CHM: variants seen among roughly 807,000 people sequenced by gnomAD.
The protein encoded by CHM is rab proteins geranylgeranyltransferase component A 1.
In CHM, 10 loss-of-function variants were observed where a neutral mutation model predicts 49.0. The observed-to-expected ratio is 0.20, with a 90% CI of 0.13 to 0.35. The LOEUF is 0.35. Ranked by LOEUF, CHM falls within the 10% of genes least tolerant of loss-of-function variation. The pLI is 1.00. For missense variants in CHM, 455 were observed against 478.4 expected, an observed-to-expected ratio of 0.95 and a Z score of 0.46; for synonymous variants, 184 against 167.5, an observed-to-expected ratio of 1.10 and a Z score of -0.76.
intron 8 of CHM, among the ~76,000 whole-genome samples, chrX:85,946,944 A>G (rs1254883202): frequency 8.9e-6 from 1 of 112,714 alleles, no homozygotes; most frequent in African/African-American, 3.2e-5. Flanking sequence ...CAGGACTTGA[A>G]TGGGGCCTGT....
intron 8 of CHM, among the ~76,000 whole-genome samples, chrX:85,943,607 C>A (rs1308120444): frequency 8.9e-6 from 1 of 112,007 alleles, no homozygotes; most frequent in Non-Finnish European, 1.9e-5. Context: ...GCTGAATATG[C>A]ATCCATAATG....
chrX:85,864,837 A>G lies in CHM; in HGVS notation c.1771-16T>C. 1 of 1,194,679 alleles carries G rather than the reference A, an allele frequency of 8.4e-7. No homozygotes were observed. Among genetic ancestry groups the G allele is most frequent in the South Asian group, 1.8e-5 (1 of 54,925 alleles). ...GTGTTTCAGCCTGGCCAAGGAAGAA[A>G]AGATAAAATCGTTTTTGGAAATCGG... On this transcript the variant is annotated splice_polypyrimidine_tract_variant and intron_variant, in intron 14 of 14. Coordinates refer to ENST00000357749, the MANE Select transcript of CHM (RefSeq NM_000390.4).
intron 12 of CHM, among the ~76,000 whole-genome samples, chrX:85,892,158 G>A (rs1423129696): frequency 1.8e-5 from 2 of 111,612 alleles, no homozygotes; most frequent in Non-Finnish European, 1.9e-5. Context: ...ATAGACAGAT[G>A]GGACTTGCCT....
chrX:86,044,358 T>C (rs906049819), intron 1 of CHM, among the ~76,000 whole-genome samples: 22 of 112,340 alleles, frequency 2.0e-4, no homozygotes, highest in Non-Finnish European at 9.4e-5. Context: ...AAACATAGTC[T>C]TTGCAGAAGT....
intron 12 of CHM, among the ~76,000 whole-genome samples, chrX:85,890,597 G>A (rs1466734382): frequency 8.9e-6 from 1 of 111,852 alleles, no homozygotes; most frequent in Non-Finnish European, 1.9e-5. Context: ...TTCTCCTTCT[G>A]CTGCCACGTA....
At chrX:85,892,588 T>G (rs1443767692) in intron 12 of CHM, among the ~76,000 whole-genome samples, 3 of 111,673 alleles carry the variant, frequency 2.7e-5, no homozygotes, top group African/African-American at 9.8e-5. Context: ...GTGATTCCAA[T>G]TAAACCTCTT....
At chrX:85,968,992 C>G (rs1457407553) in intron 4 of CHM, 1 of 429,346 alleles carries the variant, frequency 2.3e-6, no homozygotes, top group East Asian at 2.0e-4. Context: ...TTTGTATTCG[C>G]TTCATCTAAA....
rs1464866886 is a variant in CHM, at chrX:85,873,125, T to C, written c.1697A>G (p.Asn566Ser). The change falls in exon 14 of 15, where the codon AAT (asparagine) becomes AGT (serine). Residue 566 changes from asparagine (N) to serine (S), a missense_variant. Coordinates refer to ENST00000357749, the MANE Select transcript of CHM (RefSeq NM_000390.4). ...GACATAAACGTTGGATGGTAAATCA[T>C]TATAACAGCTCCTGCTGATGTCTGA... ...DSSDISRSCY[N>S]DLPSNVYVCS... 1 of 1,205,803 alleles carries C rather than the reference T, an allele frequency of 8.3e-7. No individual in the cohort carries two copies.
chrX:85,991,760 T>A (rs774413115), intron 2 of CHM, among the ~76,000 whole-genome samples: 3 of 111,484 alleles, frequency 2.7e-5, no homozygotes, highest in African/African-American at 9.7e-5. Context: ...AACATGTTTT[T>A]TTTTTTAAAG....
intron 11 of CHM, among the ~76,000 whole-genome samples, chrX:85,897,007 C>T (rs1471480565): frequency 1.1e-5 from 1 of 91,999 alleles, no homozygotes; most frequent in Non-Finnish European, 2.1e-5. Context: ...TTATATAATA[C>T]ATATAATATA....
chrX:85,869,287 AGTAACATTTAATACAAATATT>A (rs1329082371), intron 14 of CHM, among the ~76,000 whole-genome samples: 5 of 111,877 alleles, frequency 4.5e-5, no homozygotes, highest in Non-Finnish European at 9.4e-5. Flanking sequence ...ATAGAATGTC[AGTAACATTTAATACAAATATT>A]AAGTATAAAT....
intron 8 of CHM, among the ~76,000 whole-genome samples, chrX:85,921,923 C>A (rs1269524354): frequency 9.0e-6 from 1 of 111,713 alleles, no homozygotes; most frequent in Non-Finnish European, 1.9e-5. Context: ...TTTTTATATA[C>A]ACACACACAC....
rs1305729498 is a variant in CHM at position 85,941,617 on chromosome X, TGC to T, written c.1166+14534_1166+14535del. Among the ~76,000 whole-genome samples, 3 of 111,802 alleles carry T rather than the reference TGC, an allele frequency of 2.7e-5. No homozygotes were observed. The East Asian group carries it at 8.4e-4, about 31-fold the overall frequency. ...CTATTCAACTGAAGTTGGAAAAACC[TGC>T]CACCTATTTTTAGAAATAAATTTTT... On this transcript the variant is annotated intron_variant, in intron 8 of 14. Coordinates refer to ENST00000357749, the MANE Select transcript of CHM (RefSeq NM_000390.4).
At chrX:86,012,760 T>C (rs754666469) in intron 2 of CHM, among the ~76,000 whole-genome samples, 13 of 111,409 alleles carry the variant, frequency 1.2e-4, no homozygotes, top group African/African-American at 4.2e-4. Flanking sequence ...CCTGGCAATA[T>C]AATAGAAATA....
intron 2 of CHM, among the ~76,000 whole-genome samples, chrX:86,007,255 T>C (rs1278244614): frequency 8.9e-6 from 1 of 111,937 alleles, no homozygotes; most frequent in Admixed American, 9.5e-5. Context: ...ATACAAAAAT[T>C]AATTCAAGAT....
At chrX:86,031,732 C>T (rs966962891) in intron 1 of CHM, among the ~76,000 whole-genome samples, 18 of 111,036 alleles carry the variant, frequency 1.6e-4, no homozygotes, top group Non-Finnish European at 3.0e-4. Context: ...CCCAGCTACT[C>T]GGGAGGCTGA....
chrX:85,963,672 A>G lies in CHM; in HGVS notation c.695T>C (p.Val232Ala). Reference sequence around the variant, plus strand: ...GGTAAAATTAGTACTTACCTTTGATACTAAATCAATATTAAATCTCCTGCC... The same window carrying G: ...GGTAAAATTAGTACTTACCTTTGATGCTAAATCAATATTAAATCTCCTGCC... Reference protein sequence around the residue: ...KEGRRFNIDLVSKLLYSRGLL... With the variant: ...KEGRRFNIDLASKLLYSRGLL... Residue 232 changes from valine to alanine, a missense_variant, in exon 5 of 15, where the codon GTA becomes GCA. Transcript: ENST00000357749. The G allele has an allele frequency of 3.3e-6, 4 of 1,200,182 alleles. No homozygotes were observed. The highest frequency in any genetic ancestry group is 3.4e-6 in the Non-Finnish European group (3 of 886,411).
intron 8 of CHM, among the ~76,000 whole-genome samples, chrX:85,925,891 T>C (rs889206668): frequency 3.6e-5 from 4 of 111,332 alleles, no homozygotes; most frequent in African/African-American, 1.3e-4. Context: ...TAACAACTCC[T>C]AGATCTCTTT....
chrX:86,041,500 C>T (rs941110911), intron 1 of CHM, among the ~76,000 whole-genome samples: 2 of 108,889 alleles, frequency 1.8e-5, no homozygotes, highest in African/African-American at 6.7e-5. Context: ...TAAATCTGTT[C>T]CAAAAACTAT....
Sources: gnomAD v4.1 joint callset for allele counts (sites outside exome capture counted in the v4.1 genomes callset) on GRCh38, gnomAD v4.1.1 for gene constraint, MANE v1.5 for transcripts, NCBI Gene and HGNC (gene_info 2026-07-23, HGNC 2026-07-21) for gene names.